The following AARS2 variants were observed in gnomAD, a reference collection of about 807,000 sequenced individuals.
AARS2 encodes the protein alanine--tRNA ligase, mitochondrial.
A neutral mutation model predicts 119.7 loss-of-function variants in AARS2; 78 were observed. That is an observed-to-expected ratio of 0.65 (90% CI 0.54 to 0.79). The LOEUF (loss-of-function observed/expected upper bound fraction) is 0.79. Among genes scored for constraint, AARS2 ranks in the 30% least tolerant of loss-of-function variants. The pLI, the probability that AARS2 is intolerant of heterozygous loss-of-function variation, is 0.00. For missense variants in AARS2, 1,157 were observed against 1,291.3 expected (o/e 0.90, Z 1.59); for synonymous variants, 502 against 526.3 (o/e 0.95, Z 0.63).
chr6:44,311,464 G>T lies in AARS2; in HGVS notation c.507C>A (p.Ile169=), dbSNP rs1276754804. ...CCTTGGGGTCACCATCAAAGTAGGA[G>T]ATCCAGAGCCTTTCCTCAGGGATCC... ...VYGIPEERLW[I]SYFDGDPKAG... The change falls in exon 3 of 22, where the codon ATC becomes ATA. Residue 169 remains isoleucine, a synonymous_variant. Coordinates refer to ENST00000244571, the MANE Select transcript of AARS2 (RefSeq NM_020745.4). 12 of 1,613,912 alleles carry T rather than the reference G, an allele frequency of 7.4e-6. No homozygotes were observed. In the South Asian group the frequency reaches 1.1e-4, roughly 15 times the overall value.
At position 44,302,108 on chromosome 6, in the gene AARS2, C is replaced by A. The variant is rs941727811; in HGVS notation, c.2550G>T (p.Met850Ile). ...QRRELLATVK[M>I]LQRRANTAIR... ...TGGCAGTGTTGGCACGCCGCTGCAG[C>A]ATCTTCACTGTGGCCAGCAGCTCCC... Residue 850 changes from methionine to isoleucine, a missense_variant, in exon 19 of 22, where the codon ATG (methionine) becomes ATT (isoleucine). Coordinates refer to ENST00000244571, the MANE Select transcript of AARS2 (RefSeq NM_020745.4). 6.8e-6 allele frequency: 11 copies of A among 1,613,958 alleles called. No individual in the cohort carries two copies. The highest frequency in any genetic ancestry group is 6.8e-6 in the Non-Finnish European group (8 of 1,180,026).
At position 44,303,323 on chromosome 6, in the gene AARS2, A is replaced by G. The variant is rs757184084; in HGVS notation, c.2108T>C (p.Leu703Pro). The G allele has an allele frequency of 3.1e-6, 5 of 1,614,020 alleles. No homozygotes were observed. In the South Asian group the frequency reaches 3.3e-5, roughly 11 times the overall value. Residue 703 changes from leucine (L) to proline (P), a missense_variant, in exon 15 of 22, where the codon CTC (leucine) becomes CCC (proline). By Grantham distance (98) the Leu-to-Pro change is moderately conservative. Coordinates refer to ENST00000244571, the MANE Select transcript of AARS2 (RefSeq NM_020745.4). ...GCGCAGGCCAGGGACCTGGGCAGTG[A>G]GCGCCAGGGGCACCTCCTCCATGTA... ...AVYMEEVPLA[L>P]TAQVPGLRSL...
chr6:44,304,964 T>C (rs1469427128), intron 11 of AARS2, 90 bp downstream of exon 11: 4 of 1,610,818 alleles, frequency 2.5e-6, no homozygotes, highest in Non-Finnish European at 3.4e-6. Context: ...TCCTGGGGAA[T>C]ACATAGGGGC....
In AARS2 at chr6:44,300,651, CCCCCATGTGGCTGCACACTG is replaced by C; in HGVS notation, c.2834_2853del (p.Ala945GlyfsTer18). 6.2e-7 allele frequency: 1 copy of C among 1,613,766 alleles called. No homozygotes were observed. The highest frequency in any genetic ancestry group is 8.5e-7 in the Non-Finnish European group (1 of 1,179,950). ...ACCACTCGTGAGCCCCACGCCTTGC[CCCCCATGTGGCTGCACACTG>C]CCAGTGCCCAGGCCTCTGCTGTGAA... On this transcript the variant is annotated frameshift_variant, in exon 22 of 22. Coordinates refer to ENST00000244571, the MANE Select transcript of AARS2 (RefSeq NM_020745.4). LOFTEE classifies it high-confidence loss of function.
At chr6:44,306,613 A>T (rs1384976868) in intron 7 of AARS2, 81 bp from the exon 8 acceptor site, 76 of 1,513,452 alleles carry the variant, frequency 5.0e-5, no homozygotes, top group Non-Finnish European at 6.9e-5. Flanking sequence ...CTCCCTGAGG[A>T]CACCTGCCCT....
rs375008142 is a variant in AARS2 at position 44,312,282 on chromosome 6, G to C, written c.244-19C>G. On this transcript the variant is annotated intron_variant, in intron 1 of 21. Coordinates refer to ENST00000244571, the MANE Select transcript of AARS2 (RefSeq NM_020745.4). ...GCTTGAACTGGAAGCACATAGAGTGGGGAGGGGGAGAGGGATATCCAATTT... is the reference window on the plus strand; with the variant it reads ...GCTTGAACTGGAAGCACATAGAGTGCGGAGGGGGAGAGGGATATCCAATTT... 4 of 1,611,238 alleles carry C rather than the reference G, an allele frequency of 2.5e-6. No homozygotes were observed. Among genetic ancestry groups the C allele is most frequent in the African/African-American group, 1.3e-5 (1 of 74,900 alleles).
At chr6:44,310,165 G>A (rs536439089) in intron 5 of AARS2, 134 bp downstream of exon 5, 303 of 1,243,538 alleles carry the variant, frequency 2.4e-4, no homozygotes, top group South Asian at 5.7e-4. Context: ...CTTGCTTGAC[G>A]TCTTGGAATT....
chr6:44,310,345 G>A lies in AARS2; in HGVS notation c.848C>T (p.Thr283Ile). ...CGGGGAAAAGAGGTCAGTGTCATAG[G>A]TGGAGTGTTTGCCTTGCAGCACAGC... ...LVAVLQGKHS[T>I]YDTDLFSPLL... is the part of the protein sequence containing the mutation. The change falls in exon 5 of 22, where the codon ACC becomes ATC. Residue 283 changes from threonine to isoleucine, a missense_variant. Coordinates refer to ENST00000244571, the MANE Select transcript of AARS2 (RefSeq NM_020745.4). 6.2e-7 allele frequency: 1 copy of A among 1,613,148 alleles called. No individual in the cohort carries two copies. Among genetic ancestry groups the A allele is most frequent in the Non-Finnish European group, 8.5e-7 (1 of 1,179,614 alleles).
At chr6:44,304,928 G>A (rs1785703868) in intron 11 of AARS2, 111 bp from the exon 12 acceptor site, 3 of 1,605,470 alleles carry the variant, frequency 1.9e-6, no homozygotes, top group Middle Eastern at 1.7e-4. Flanking sequence ...CTTCCAGCTG[G>A]GGGCCACAGA....
chr6:44,302,560 G>A, intron 17 of AARS2, 47 bp from the exon 18 acceptor site: 3 of 1,612,474 alleles, frequency 1.9e-6, no homozygotes, highest in Non-Finnish European at 2.5e-6. Flanking sequence ...ATCTCCCCAG[G>A]ACAAGGCCTC....
intron 3 of AARS2, 69 bp from the exon 4 acceptor site, chr6:44,311,230 G>C (rs1019895591): frequency 1.9e-5 from 30 of 1,607,044 alleles, no homozygotes; most frequent in Non-Finnish European, 2.5e-5. Flanking sequence ...TCTGCCATGA[G>C]AGCCCCTCCC....
chr6:44,302,293 A>G (rs1239925399), intron 18 of AARS2, 98 bp downstream of exon 18: 3 of 1,611,370 alleles, frequency 1.9e-6, no homozygotes, highest in Non-Finnish European at 2.5e-6. Context: ...CTGGAGCCCA[A>G]CCCAATTGGA....
Position 44,302,383 on chromosome 6 carries a change from G to A in AARS2, c.2487+8C>T, listed in dbSNP as rs772356300. ...AGGAGAGGGTGGGGTGGTAGGCGTG[G>A]CCCTCACTTCAATGAGTCGTCCTAT... On this transcript the variant is annotated splice_region_variant and intron_variant, in intron 18 of 21. Transcript: ENST00000244571. 4 of 1,614,096 alleles carry A rather than the reference G, an allele frequency of 2.5e-6. No individual in the cohort carries two copies. Among genetic ancestry groups the A allele is most frequent in the Admixed American group, 3.3e-5 (2 of 60,024 alleles).
Position 44,310,341 on chromosome 6 carries a change from A to G in AARS2, c.852T>C (p.Tyr284=), listed in dbSNP as rs763381468. 5 of 1,612,758 alleles carry G rather than the reference A, an allele frequency of 3.1e-6. No homozygotes were observed. Among genetic ancestry groups the G allele is most frequent in the Non-Finnish European group, 4.2e-6 (5 of 1,179,420 alleles). ...GCAGCGGGGAAAAGAGGTCAGTGTC[A>G]TAGGTGGAGTGTTTGCCTTGCAGCA... ...VAVLQGKHST[Y]DTDLFSPLLN... is the part of the protein sequence containing the mutation. Residue 284 remains tyrosine (Y), a synonymous_variant, in exon 5 of 22, where the codon TAT becomes TAC. Transcript: ENST00000244571.
rs1785190660 is a variant in AARS2, at chr6:44,299,528, A to C, written c.*1019T>G. ...GATTCTCCAACCTCAGCCTCCTAAA[A>C]TGCCAGGATTATAGGCATGAGCCAC... On this transcript the variant is annotated 3_prime_UTR_variant, in exon 22 of 22. Transcript: ENST00000244571. The C allele has an allele frequency of 6.6e-6, 1 of 151,706 alleles. No individual in the cohort carries two copies. Among genetic ancestry groups the C allele is most frequent in the Non-Finnish European group, 1.5e-5 (1 of 67,934 alleles). 9.4% of individuals were successfully genotyped at this position (151,706 alleles called of 1,614,324 possible).
rs148429504 is a variant in AARS2, at chr6:44,301,220, G to C, written c.2729C>G (p.Thr910Arg). 43 of 1,613,614 alleles carry C rather than the reference G, an allele frequency of 2.7e-5. No individual in the cohort carries two copies. The African/African-American group carries it at 4.9e-4, about 19-fold the overall frequency. ...VRQLCEQAPSTSVLLLSPQPM... is the reference protein window; with the variant it reads ...VRQLCEQAPSRSVLLLSPQPM... ...CTGGGGGCTGAGTAGGAGCACAGAC[G>C]TGCTGGGGGCCTGCTCACACAGCTG... Residue 910 changes from threonine to arginine, a missense_variant, in exon 21 of 22, where the codon ACG (threonine) becomes AGG (arginine). Thr to Arg is a moderately conservative substitution (Grantham distance 71). Coordinates refer to ENST00000244571, the MANE Select transcript of AARS2 (RefSeq NM_020745.4).
At chr6:44,301,349 C>T (rs372099702) in intron 20 of AARS2, 32 bp downstream of exon 20, 4 of 1,613,362 alleles carry the variant, frequency 2.5e-6, no homozygotes, top group Non-Finnish European at 3.4e-6. Context: ...CCTCCCCAGA[C>T]CCTGGGGCAG....
In AARS2 at chr6:44,300,041, G is replaced by A; in HGVS notation, c.*506C>T. On this transcript the variant is annotated 3_prime_UTR_variant, in exon 22 of 22. Coordinates refer to ENST00000244571, the MANE Select transcript of AARS2 (RefSeq NM_020745.4). ...GTCACCCAGGCTGGAGTGCAGTGGTGCGATCTTGGCCCACTGCAACCTCCA... is the reference window on the plus strand; with the variant it reads ...GTCACCCAGGCTGGAGTGCAGTGGTACGATCTTGGCCCACTGCAACCTCCA... The A allele has an allele frequency of 5.3e-6, 1 of 190,390 alleles. No individual in the cohort carries two copies. The highest frequency in any genetic ancestry group is 1.3e-4 in the East Asian group (1 of 7,624). The allele number at this position is 190,390 out of a possible 1,614,324, so 11.8% of individuals were successfully genotyped here.
chr6:44,311,960 A>C, intron 2 of AARS2, 112 bp downstream of exon 2: 1 of 1,314,976 alleles, frequency 7.6e-7, no homozygotes, highest in Non-Finnish European at 1.1e-6. Flanking sequence ...CACCGGCTCA[A>C]CTAGCACTTT....
Sources: gnomAD v4.1 joint callset for allele counts on GRCh38, gnomAD v4.1.1 for gene constraint, MANE v1.5 for transcripts, NCBI Gene and HGNC (gene_info 2026-07-23, HGNC 2026-07-21) for gene names.